TAS2R1: variants seen among roughly 807,000 people sequenced by gnomAD.
TAS2R1 encodes taste receptor type 2 member 1.
For synonymous variants in TAS2R1, 141 were observed against 134.2 expected (o/e 1.05, Z -0.35); for missense variants, 370 against 353.4 (o/e 1.05, Z -0.38).
At chr5:9,725,236 T>A in the TAS2R1 span, among the ~76,000 whole-genome samples, 1 of 152,224 alleles carries the variant, frequency 6.6e-6, no homozygotes, top group Non-Finnish European at 1.5e-5. Context: ...AGCCCGCTGC[T>A]GCACTGTGGG....
chr5:9,777,122 G>T, the TAS2R1 span, among the ~76,000 whole-genome samples: 20 of 152,296 alleles, frequency 1.3e-4, no homozygotes, highest in African/African-American at 4.8e-4. Flanking sequence ...GGCTGGGCTG[G>T]CTGTGGAAAT....
intron 1 of TAS2R1, among the ~76,000 whole-genome samples, chr5:9,689,386 T>G (rs1741191061): frequency 6.6e-6 from 1 of 152,112 alleles, no homozygotes; most frequent in Non-Finnish European, 1.5e-5. Context: ...AATGTCCAGG[T>G]TCCGCCCCAG....
chr5:9,788,281 A>G, the TAS2R1 span, among the ~76,000 whole-genome samples: 12 of 152,340 alleles, frequency 7.9e-5, no homozygotes, highest in East Asian at 2.3e-3. Context: ...CAAACACACC[A>G]GTTGATATTC....
At chr5:9,673,255 T>A (rs937089313) in intron 1 of TAS2R1, among the ~76,000 whole-genome samples, 36 of 152,290 alleles carry the variant, frequency 2.4e-4, no homozygotes, top group African/African-American at 8.7e-4. Context: ...ACATGCAATT[T>A]ACCTTATAAC....
chr5:9,892,528 C>A, the TAS2R1 span, among the ~76,000 whole-genome samples: 1 of 152,128 alleles, frequency 6.6e-6, no homozygotes, highest in Non-Finnish European at 1.5e-5. Flanking sequence ...AGCCCTGAAC[C>A]AACTACATAA....
At chr5:9,778,639 C>T in the TAS2R1 span, among the ~76,000 whole-genome samples, 5 of 152,228 alleles carry the variant, frequency 3.3e-5, no homozygotes, top group Non-Finnish European at 2.9e-5. Flanking sequence ...GCACTTGCTG[C>T]CTCACCTTGC....
intron 2 of TAS2R1, among the ~76,000 whole-genome samples, chr5:9,637,205 C>T (rs1739980732): frequency 6.6e-6 from 1 of 152,128 alleles, no homozygotes; most frequent in Non-Finnish European, 1.5e-5. Context: ...TTGCTGGGTA[C>T]AAAATTCCTG....
At chr5:9,739,163 G>A in the TAS2R1 span, among the ~76,000 whole-genome samples, 1 of 152,254 alleles carries the variant, frequency 6.6e-6, no homozygotes, top group East Asian at 1.9e-4. Context: ...CCAACTGATA[G>A]TCCCGTATTC....
upstream of TAS2R1, among the ~76,000 whole-genome samples, chr5:9,635,233 C>T (rs150002989): frequency 1.1e-3 from 161 of 151,982 alleles, 1 homozygote; most frequent in African/African-American, 3.7e-3. Flanking sequence ...ATTCTGTTTA[C>T]GTCATGTATC....
chr5:9,730,600 C>A, the TAS2R1 span, among the ~76,000 whole-genome samples: 1 of 152,142 alleles, frequency 6.6e-6, no homozygotes, highest in Admixed American at 6.5e-5. Context: ...TTTGAGGACT[C>A]AAAGACACTT....
chr5:9,791,449 G>A, the TAS2R1 span, among the ~76,000 whole-genome samples: 6 of 152,210 alleles, frequency 3.9e-5, no homozygotes, highest in Admixed American at 6.5e-5. Context: ...CTGTGGTCCC[G>A]GCACTTTGGG....
chr5:9,680,437 A>G (rs1261254814), intron 1 of TAS2R1, among the ~76,000 whole-genome samples: 1 of 152,208 alleles, frequency 6.6e-6, no homozygotes, highest in African/African-American at 2.4e-5. Flanking sequence ...GAAAAAAAGA[A>G]TAACTGTATA....
chr5:9,646,423 T>C (rs960087037), intron 2 of TAS2R1, among the ~76,000 whole-genome samples: 2 of 152,194 alleles, frequency 1.3e-5, no homozygotes, highest in African/African-American at 4.8e-5. Context: ...TATTTTCATA[T>C]GAATTTGCAT....
chr5:9,888,531 G>A, the TAS2R1 span, among the ~76,000 whole-genome samples: 1 of 152,212 alleles, frequency 6.6e-6, no homozygotes, highest in Non-Finnish European at 1.5e-5. Context: ...TGTATGAAGA[G>A]CCTTCTGCCT....
In TAS2R1 at chr5:9,629,255, G is replaced by T; in HGVS notation, c.778C>A (p.Leu260Met). ...ATACCAATCACAAGGATGAAGAACAGAAAGATGAACCTTCTGATGTGAAAC... is the reference window on the plus strand; with the variant it reads ...ATACCAATCACAAGGATGAAGAACATAAAGATGAACCTTCTGATGTGAAAC... ...LKFHIRRFIF[L>M]FFILVIGIYP... The change falls in exon 1 of 1, where the codon CTG becomes ATG. Residue 260 changes from leucine to methionine, a missense_variant. Leu to Met is a conservative substitution (Grantham distance 15). Transcript: ENST00000382492. The T allele has an allele frequency of 6.2e-7, 1 of 1,613,986 alleles. No homozygotes were observed. Among genetic ancestry groups the T allele is most frequent in the Non-Finnish European group, 8.5e-7 (1 of 1,179,982 alleles).
chr5:9,866,096 G>A, the TAS2R1 span, among the ~76,000 whole-genome samples: 1 of 152,124 alleles, frequency 6.6e-6, no homozygotes, highest in East Asian at 1.9e-4. Flanking sequence ...TTATCTCTCT[G>A]TGTTTTTTAA....
chr5:9,686,229 T>A (rs1741122488), intron 1 of TAS2R1, among the ~76,000 whole-genome samples: 1 of 152,204 alleles, frequency 6.6e-6, no homozygotes, highest in African/African-American at 2.4e-5. Context: ...TTATTATTAA[T>A]CTTACATCTA....
chr5:9,698,090 T>A (rs1006981649), intron 1 of TAS2R1, among the ~76,000 whole-genome samples: 1 of 152,108 alleles, frequency 6.6e-6, no homozygotes, highest in Admixed American at 6.5e-5. Context: ...TTCACAAACA[T>A]TAGTAATATA....
the TAS2R1 span, among the ~76,000 whole-genome samples, chr5:9,779,183 A>C: frequency 6.6e-6 from 1 of 152,150 alleles, no homozygotes; most frequent in Non-Finnish European, 1.5e-5. Context: ...AATTGTTTAA[A>C]AGAGTCTGGA....
Sources: gnomAD v4.1 joint callset for allele counts (sites outside exome capture counted in the v4.1 genomes callset) on GRCh38, gnomAD v4.1.1 for gene constraint, MANE v1.5 for transcripts, NCBI Gene and HGNC (gene_info 2026-07-23, HGNC 2026-07-21) for gene names.